Variants in MAGI3 observed in about 807,000 individuals in gnomAD.
MAGI3 encodes the protein membrane-associated guanylate kinase, WW and PDZ domain-containing protein 3.
A neutral mutation model predicts 121.8 loss-of-function variants in MAGI3; 43 were observed. The observed-to-expected ratio is 0.35, with a 90% confidence interval of 0.28 to 0.46. MAGI3 has a LOEUF of 0.46. Among genes scored for constraint, MAGI3 ranks in the 20% least tolerant of loss-of-function variants. MAGI3 has a pLI of 1.00. For synonymous variants in MAGI3, 553 were observed against 639.3 expected (o/e 0.86, Z 2.04); for missense variants, 1,547 against 1,797.3 (o/e 0.86, Z 2.52).
At chr1:113,671,425 A>C (rs1462379169) in intron 16 of MAGI3, among the ~76,000 whole-genome samples, 2 of 152,124 alleles carry the variant, frequency 1.3e-5, no homozygotes, top group African/African-American at 4.8e-5. Context: ...TAGTTCCTGG[A>C]GCTCTGTCTT....
chr1:113,427,758 T>C (rs937638939), intron 1 of MAGI3, among the ~76,000 whole-genome samples: 17 of 152,234 alleles, frequency 1.1e-4, no homozygotes, highest in African/African-American at 4.1e-4. Flanking sequence ...GTCTCAATCA[T>C]GTTTTAAAAT....
intron 16 of MAGI3, among the ~76,000 whole-genome samples, chr1:113,668,145 G>A (rs1647275296): frequency 6.6e-6 from 1 of 152,138 alleles, no homozygotes; most frequent in Non-Finnish European, 1.5e-5. Flanking sequence ...ACCAAAATGT[G>A]ACACAGAGAC....
intron 1 of MAGI3, among the ~76,000 whole-genome samples, chr1:113,445,187 A>G (rs1654112693): frequency 6.6e-6 from 1 of 152,140 alleles, no homozygotes; most frequent in Non-Finnish European, 1.5e-5. Flanking sequence ...AAGAGGGAAT[A>G]TTTGAAGGCT....
At chr1:113,472,189 A>G (rs1456303348) in intron 1 of MAGI3, among the ~76,000 whole-genome samples, 2 of 151,198 alleles carry the variant, frequency 1.3e-5, no homozygotes, top group Admixed American at 6.6e-5. Flanking sequence ...TGTAGGCAGC[A>G]TATAGATAGA....
At chr1:113,475,859 G>A (rs1455528585) in intron 1 of MAGI3, among the ~76,000 whole-genome samples, 1 of 152,084 alleles carries the variant, frequency 6.6e-6, no homozygotes, top group Admixed American at 6.6e-5. Flanking sequence ...TCTGATTCTG[G>A]ACTTTTTTTG....
chr1:113,393,422 A>T (rs1019480719), intron 1 of MAGI3, among the ~76,000 whole-genome samples: 2 of 152,196 alleles, frequency 1.3e-5, no homozygotes, highest in South Asian at 2.1e-4. Flanking sequence ...TTCTCAAGAT[A>T]CCATTATGTC....
intron 1 of MAGI3, among the ~76,000 whole-genome samples, chr1:113,510,866 T>C (rs1457892398): frequency 6.6e-6 from 1 of 152,236 alleles, no homozygotes; most frequent in Non-Finnish European, 1.5e-5. Context: ...CTGTTTGCCC[T>C]GAGTATCCTT....
intron 1 of MAGI3, among the ~76,000 whole-genome samples, chr1:113,490,245 A>G (rs772578386): frequency 1.6e-4 from 24 of 152,210 alleles, no homozygotes; most frequent in Non-Finnish European, 3.4e-4. Flanking sequence ...CAACATTCTT[A>G]AAAGAAATCC....
chr1:113,517,008 C>G (rs939983753), intron 1 of MAGI3, among the ~76,000 whole-genome samples: 5 of 151,888 alleles, frequency 3.3e-5, no homozygotes, highest in African/African-American at 1.2e-4. Flanking sequence ...TCAAAATTTT[C>G]AAGGTCATCA....
chr1:113,510,260 A>C (rs1041966149), intron 1 of MAGI3, among the ~76,000 whole-genome samples: 3 of 152,178 alleles, frequency 2.0e-5, no homozygotes, highest in Non-Finnish European at 4.4e-5. Flanking sequence ...GAAATGTTAT[A>C]AGTATTTGAT....
intron 1 of MAGI3, among the ~76,000 whole-genome samples, chr1:113,514,571 A>AC (rs965442580): frequency 5.3e-5 from 8 of 151,832 alleles, no homozygotes; most frequent in Non-Finnish European, 1.5e-5. Flanking sequence ...TGGGAATTGA[A>AC]CAAAGAGATC....
At chr1:113,395,091 T>TTTG (rs1376241604) in intron 1 of MAGI3, among the ~76,000 whole-genome samples, 3 of 27,378 alleles carry the variant, frequency 1.1e-4, no homozygotes, top group East Asian at 2.5e-3. Flanking sequence ...TTGTTAGTTT[T>TTTG]TTTTTTTTTT....
intron 2 of MAGI3, among the ~76,000 whole-genome samples, chr1:113,566,640 G>A (rs540787257): frequency 1.9e-4 from 29 of 152,184 alleles, no homozygotes; most frequent in African/African-American, 7.0e-4. Flanking sequence ...AAATTAATTA[G>A]CAGAAAGAAA....
At chr1:113,521,559 C>T (rs1276655811) in intron 1 of MAGI3, among the ~76,000 whole-genome samples, 1 of 151,878 alleles carries the variant, frequency 6.6e-6, no homozygotes, top group Non-Finnish European at 1.5e-5. Flanking sequence ...GTGCCCGCCA[C>T]CACGCCCAGC....
At chr1:113,467,291 T>C (rs1398098453) in intron 1 of MAGI3, among the ~76,000 whole-genome samples, 1 of 152,158 alleles carries the variant, frequency 6.6e-6, no homozygotes, top group African/African-American at 2.4e-5. Context: ...TTTTATTACA[T>C]TGTGGTCAGA....
intron 16 of MAGI3, among the ~76,000 whole-genome samples, chr1:113,666,330 A>C (rs1006293119): frequency 5.3e-5 from 8 of 152,190 alleles, no homozygotes; most frequent in African/African-American, 1.7e-4. Context: ...TGTCCTCTCA[A>C]ACTTTGCCTC....
intron 1 of MAGI3, among the ~76,000 whole-genome samples, chr1:113,437,473 T>C (rs1390714473): frequency 6.6e-6 from 1 of 152,086 alleles, no homozygotes; most frequent in East Asian, 1.9e-4. Context: ...GTTTTTAAGT[T>C]TTTTTCTCCC....
chr1:113,463,918 A>C (rs1490601721), intron 1 of MAGI3, among the ~76,000 whole-genome samples: 1 of 152,052 alleles, frequency 6.6e-6, no homozygotes, highest in Non-Finnish European at 1.5e-5. Context: ...TACATGTGAA[A>C]ATATATTCCT....
chr1:113,424,770 A>C (rs375778622), intron 1 of MAGI3, among the ~76,000 whole-genome samples: 1 of 152,196 alleles, frequency 6.6e-6, no homozygotes. Context: ...CATAAATTAA[A>C]AGGTAATATT....
Sources: allele counts gnomAD v4.1 joint callset (sites outside exome capture counted in the v4.1 genomes callset), GRCh38; gene constraint gnomAD v4.1.1; transcripts MANE v1.5; gene names NCBI Gene and HGNC (gene_info 2026-07-23, HGNC 2026-07-21).